Variants in RFX2 observed in about 807,000 individuals in gnomAD.
The protein encoded by RFX2 is regulatory factor X2.
Under a neutral mutation model 87.8 loss-of-function variants are expected in RFX2, and 20 were observed. The ratio of observed to expected loss-of-function variants is 0.23; its 90% CI spans 0.16 to 0.33. The LOEUF (loss-of-function observed/expected upper bound fraction) is 0.33. RFX2 is among the 10% of genes least tolerant of loss of function. The pLI, the probability that RFX2 is intolerant of heterozygous loss-of-function variation, is 1.00. For missense variants in RFX2, 767 were observed against 1,012.3 expected (o/e 0.76, Z 3.29); for synonymous variants, 397 against 431.3 (o/e 0.92, Z 0.98).
rs559809118 is a variant in RFX2 at position 6,063,244 on chromosome 19, G to A, written c.-8-15740C>T. Among the ~76,000 whole-genome samples, 7 of 152,302 alleles carry A rather than the reference G, an allele frequency of 4.6e-5. No homozygotes were observed. The East Asian group carries it at 5.8e-4, about 13-fold the overall frequency. On this transcript the variant is annotated intron_variant, in intron 1 of 17. Coordinates refer to ENST00000303657, the MANE Select transcript of RFX2 (RefSeq NM_000635.4). The surrounding 1 kb of genome is among the most constrained non-coding windows in gnomAD (Gnocchi z 4.0). The stretch of plus-strand genomic sequence containing the variant: ...CCCCCAAGGACCCTCTGATTCCAAC[G>A]GAATTGGAGCCTACGCCTGCCAGAC...
At position 6,016,425 on chromosome 19, in the gene RFX2, C is replaced by T. The variant is rs80089880; in HGVS notation, c.598-154G>A. On this transcript the variant is annotated intron_variant, in intron 6 of 17. Transcript: ENST00000303657. The surrounding 1 kb of genome is among the most constrained non-coding windows in gnomAD (Gnocchi z 5.4). Reference sequence around the variant, plus strand: ...TTTCTTTTTGAGGCGGAGTCTTGCTCTGTCACCCAGTCTGGAGTACAGTGG... The same window carrying T: ...TTTCTTTTTGAGGCGGAGTCTTGCTTTGTCACCCAGTCTGGAGTACAGTGG... Among the ~76,000 whole-genome samples the T allele has an allele frequency of 4.4e-3, 666 of 152,340 alleles. 7 individuals carry two copies. The East Asian group carries it at 0.07, about 16-fold the overall frequency.
At chr19:6,037,140 C>T (rs1401480557) in intron 5 of RFX2, among the ~76,000 whole-genome samples, 7 of 151,638 alleles carry the variant, frequency 4.6e-5, no homozygotes, top group African/African-American at 9.7e-5. Flanking sequence ...AAAAATTAGC[C>T]GGGAGTGGTG....
chr19:6,084,025 C>T (rs567535043), intron 1 of RFX2, among the ~76,000 whole-genome samples: 2 of 152,244 alleles, frequency 1.3e-5, no homozygotes, highest in Admixed American at 6.5e-5. Flanking sequence ...GGAGAATTCT[C>T]GGCAGAGAAG....
chr19:6,007,857 T>G lies in RFX2; in HGVS notation c.1135-55A>C, dbSNP rs777004414. On this transcript the variant is annotated intron_variant, in intron 10 of 17. Coordinates refer to ENST00000303657, the MANE Select transcript of RFX2 (RefSeq NM_000635.4). The surrounding 1 kb of genome is among the most constrained non-coding windows in gnomAD (Gnocchi z 8.2). ...GGGTGCGTGCGCCCATCACGTGCAC[T>G]CAGCACACGTCAAGTGAGCAGCCGT... 205 of 1,198,654 alleles carry G rather than the reference T, an allele frequency of 1.7e-4. No individual in the cohort carries two copies. The highest frequency in any genetic ancestry group is 8.9e-4 in the Admixed American group (45 of 50,358). 74.3% of individuals were successfully genotyped at this position (1,198,654 alleles called of 1,614,324 possible). A position where few individuals can be genotyped will look rare whatever the true frequency, so the allele number is the denominator to read the frequency against.
chr19:6,051,682 C>G (rs1024839279), intron 1 of RFX2, among the ~76,000 whole-genome samples: 1 of 152,082 alleles, frequency 6.6e-6, no homozygotes, highest in African/African-American at 2.4e-5. Context: ...TTTGCTAAAT[C>G]TAGACATATT....
intron 10 of RFX2, 84 bp downstream of exon 10, chr19:6,008,022 C>T (rs770894849): frequency 2.7e-5 from 28 of 1,047,726 alleles, no homozygotes; most frequent in South Asian, 1.9e-4. Flanking sequence ...AGCTCCTCAG[C>T]GTCACCCGGG....
At chr19:6,098,879 T>C (rs2088067790) in intron 1 of RFX2, among the ~76,000 whole-genome samples, 1 of 147,078 alleles carries the variant, frequency 6.8e-6, no homozygotes, top group Non-Finnish European at 1.5e-5. Flanking sequence ...CTGCTTCCTC[T>C]GCCACTGCTC....
At position 5,994,700 on chromosome 19, in the gene RFX2, G is replaced by A. The variant is rs1178819597; in HGVS notation, c.*135C>T. 7.9e-6 allele frequency: 5 copies of A among 631,628 alleles called. No homozygotes were observed. The highest frequency in any genetic ancestry group is 5.5e-5 in the East Asian group (2 of 36,254). 39.1% of individuals were successfully genotyped at this position (631,628 alleles called of 1,614,324 possible). ...GCTTTCCTTCTTGAACACTGACCCC[G>A]GGAGCCCCCGCTTGAGTCAAAGTAA... On this transcript the variant is annotated 3_prime_UTR_variant, in exon 18 of 18. Transcript: ENST00000303657.
intron 1 of RFX2, among the ~76,000 whole-genome samples, chr19:6,084,356 G>C (rs1477861119): frequency 1.3e-5 from 2 of 152,086 alleles, no homozygotes; most frequent in East Asian, 3.8e-4. Flanking sequence ...CATTAATTGT[G>C]GTAAAATGTG....
chr19:6,069,575 A>C (rs2087564579), intron 1 of RFX2, among the ~76,000 whole-genome samples: 1 of 152,238 alleles, frequency 6.6e-6, no homozygotes, highest in South Asian at 2.1e-4. Context: ...GCTGTCTACC[A>C]TTTAGAGATC....
Position 6,002,900 on chromosome 19 carries a change from G to A in RFX2, c.1501-30C>T, listed in dbSNP as rs1371667527. The A allele has an allele frequency of 1.3e-6, 2 of 1,586,586 alleles. No individual in the cohort carries two copies. The highest frequency in any genetic ancestry group is 1.1e-5 in the South Asian group (1 of 88,572). On this transcript the variant is annotated intron_variant, in intron 13 of 17. Coordinates refer to ENST00000303657, the MANE Select transcript of RFX2 (RefSeq NM_000635.4). This position sits in a 1 kb window ranked among gnomAD's most constrained non-coding sequence, Gnocchi z 6.7. The stretch of plus-strand genomic sequence containing the variant: ...AAGCCAGGGCTCGTGGTGAGCAGGG[G>A]TTCGCAGGGAGAGCCTGTTCCGCTG...
At chr19:6,081,932 CA>C (rs911486013) in intron 1 of RFX2, among the ~76,000 whole-genome samples, 2 of 152,046 alleles carry the variant, frequency 1.3e-5, no homozygotes, top group African/African-American at 4.8e-5. Flanking sequence ...CTAAAAAATA[CA>C]AAAAATTAGC....
In RFX2 at chr19:6,004,387, G is replaced by T; in HGVS notation, c.1403-89C>A. 9.1e-7 allele frequency: 1 copy of T among 1,100,048 alleles called. No homozygotes were observed. Among genetic ancestry groups the T allele is most frequent in the Non-Finnish European group, 1.4e-6 (1 of 716,496 alleles). The allele number at this position is 1,100,048 out of a possible 1,614,324, so 68.1% of individuals were successfully genotyped here. A position where few individuals can be genotyped will look rare whatever the true frequency, so the allele number is the denominator to read the frequency against. Reference sequence around the variant, plus strand: ...ATTCAGTGTAAGAGCTGGCCCAAGTGCGATGAAAATGACCACCATGAAGAA... The same window carrying T: ...ATTCAGTGTAAGAGCTGGCCCAAGTTCGATGAAAATGACCACCATGAAGAA... On this transcript the variant is annotated intron_variant, in intron 12 of 17. Coordinates refer to ENST00000303657, the MANE Select transcript of RFX2 (RefSeq NM_000635.4). This position sits in a 1 kb window ranked among gnomAD's most constrained non-coding sequence, Gnocchi z 4.8.
chr19:6,102,670 C>T lies in RFX2; in HGVS notation c.-9+7723G>A, dbSNP rs534234530. Among the ~76,000 whole-genome samples the T allele has an allele frequency of 8.1e-4, 124 of 152,366 alleles. 1 individual carries two copies. The highest frequency in any genetic ancestry group is 2.9e-3 in the African/African-American group (119 of 41,584). ...CCTGCTGCCCCCTTCCTGGAAGGCT[C>T]TTCCTTCTGAACCCCACAGCGCTGG... is the stretch of plus-strand genomic sequence containing the variant. On this transcript the variant is annotated intron_variant, in intron 1 of 17. Coordinates refer to ENST00000303657, the MANE Select transcript of RFX2 (RefSeq NM_000635.4).
chr19:6,089,606 C>T (rs188021335), intron 1 of RFX2, among the ~76,000 whole-genome samples: 1 of 152,302 alleles, frequency 6.6e-6, no homozygotes, highest in Non-Finnish European at 1.5e-5. Flanking sequence ...CTCCCCTGCC[C>T]CTTCCATCAC....
At chr19:6,036,423 A>G (rs918165852) in intron 5 of RFX2, among the ~76,000 whole-genome samples, 8 of 152,164 alleles carry the variant, frequency 5.3e-5, no homozygotes, top group African/African-American at 1.9e-4. Context: ...GGACAAAGGA[A>G]GAGAGAGGAC....
chr19:6,059,032 T>G (rs2087389743), intron 1 of RFX2, among the ~76,000 whole-genome samples: 1 of 151,664 alleles, frequency 6.6e-6, no homozygotes, highest in Admixed American at 6.6e-5. Context: ...CAGACTAGAG[T>G]GCAGTGATGC....
rs1023448688 is a variant in RFX2 at position 6,045,592 on chromosome 19, T to A, written c.91-1310A>T. Reference sequence around the variant, plus strand: ...GTGCAAGAAATAAAAGCTAAAGATGTCTGACCATACACACTACATCAAATA... The same window carrying A: ...GTGCAAGAAATAAAAGCTAAAGATGACTGACCATACACACTACATCAAATA... On this transcript the variant is annotated intron_variant, in intron 2 of 17. Transcript: ENST00000303657. The surrounding 1 kb of genome is among the most constrained non-coding windows in gnomAD (Gnocchi z 5.2). Among the ~76,000 whole-genome samples, 3 of 152,192 alleles carry A rather than the reference T, an allele frequency of 2.0e-5. No homozygotes were observed. Among genetic ancestry groups the A allele is most frequent in the African/African-American group, 7.2e-5 (3 of 41,414 alleles).
chr19:6,046,605 CTTT>C (rs55854937), intron 2 of RFX2, among the ~76,000 whole-genome samples: 197 of 90,560 alleles, frequency 2.2e-3, no homozygotes, highest in African/African-American at 7.2e-3. Context: ...GCCTTTTTGC[CTTT>C]TTTTTTTTTT....
Sources: allele counts gnomAD v4.1 joint callset (sites outside exome capture counted in the v4.1 genomes callset), GRCh38; gene constraint gnomAD v4.1.1; non-coding constraint Gnocchi (gnomAD v3.1); transcripts MANE v1.5; gene names NCBI Gene and HGNC (gene_info 2026-07-23, HGNC 2026-07-21).